The following DAB1 variants were observed in gnomAD, a reference collection of about 807,000 sequenced individuals.
DAB1 encodes disabled homolog 1.
DAB1 carries 15 observed loss-of-function variants against 64.6 expected under a neutral mutation model. The observed-to-expected ratio is 0.23, with a 90% CI of 0.16 to 0.36. The LOEUF is 0.36. Ranked by LOEUF, DAB1 falls within the 10% of genes least tolerant of loss-of-function variation. The pLI is 1.00. For synonymous variants in DAB1, 235 were observed against 251.9 expected (o/e 0.93, Z 0.64); for missense variants, 596 against 706.7 (o/e 0.84, Z 1.78).
At chr1:57,373,643 T>C (rs1680671631) in intron 1 of DAB1, among the ~76,000 whole-genome samples, 1 of 152,210 alleles carries the variant, frequency 6.6e-6, no homozygotes, top group Non-Finnish European at 1.5e-5. Context: ...ATCTGTGATC[T>C]GTTGTTCCTG....
At chr1:58,058,955 C>T (rs1648318775) in intron 5 of DAB1, among the ~76,000 whole-genome samples, 1 of 152,178 alleles carries the variant, frequency 6.6e-6, no homozygotes, top group African/African-American at 2.4e-5. Context: ...CAGGTAGGAA[C>T]ACACCTGTAC....
At chr1:58,005,457 G>C (rs564297739) in intron 5 of DAB1, among the ~76,000 whole-genome samples, 5 of 152,230 alleles carry the variant, frequency 3.3e-5, no homozygotes, top group African/African-American at 1.2e-4. Flanking sequence ...TGTGTGGCCA[G>C]AGGACACTGC....
intron 3 of DAB1, among the ~76,000 whole-genome samples, chr1:58,490,795 CTTTTT>C (rs148145860): frequency 3.4e-5 from 2 of 59,244 alleles, no homozygotes; most frequent in East Asian, 7.2e-4. Flanking sequence ...AGTCAACATT[CTTTTT>C]TTTTTTTTTT....
At chr1:57,712,075 G>A (rs541246724) in intron 6 of DAB1, among the ~76,000 whole-genome samples, 1 of 151,596 alleles carries the variant, frequency 6.6e-6, no homozygotes, top group East Asian at 1.9e-4. Flanking sequence ...AATTTTTTAC[G>A]AGATATCTCA....
chr1:58,219,938 A>G (rs1184315323), intron 4 of DAB1, among the ~76,000 whole-genome samples: 1 of 152,262 alleles, frequency 6.6e-6, no homozygotes, highest in Non-Finnish European at 1.5e-5. Context: ...GCGTACAGCC[A>G]ATACATTTTT....
chr1:58,216,408 T>C (rs1181016985), intron 4 of DAB1, among the ~76,000 whole-genome samples: 3 of 152,242 alleles, frequency 2.0e-5, no homozygotes, highest in African/African-American at 7.2e-5. Flanking sequence ...ATGTGCCACA[T>C]TTTCCTTATC....
chr1:57,018,755 C>T (rs1190510649), intron 11 of DAB1, among the ~76,000 whole-genome samples: 1 of 152,220 alleles, frequency 6.6e-6, no homozygotes, highest in Admixed American at 6.5e-5. Context: ...TATGGTACTT[C>T]ATTGTCTTAA....
At chr1:58,187,036 C>G (rs1657117503) in intron 4 of DAB1, among the ~76,000 whole-genome samples, 1 of 152,184 alleles carries the variant, frequency 6.6e-6, no homozygotes, top group Admixed American at 6.5e-5. Flanking sequence ...AGCATTAGGA[C>G]TATTACTGCA....
intron 1 of DAB1, among the ~76,000 whole-genome samples, chr1:57,359,761 A>T (rs1201373658): frequency 1.3e-5 from 2 of 152,152 alleles, no homozygotes; most frequent in Non-Finnish European, 2.9e-5. Flanking sequence ...GCCATAAAAA[A>T]GAATGAAATC....
intron 6 of DAB1, among the ~76,000 whole-genome samples, chr1:57,751,887 G>A (rs1447462731): frequency 1.3e-4 from 19 of 151,790 alleles, no homozygotes; most frequent in Admixed American, 1.2e-3. Flanking sequence ...CCTCCCTGGA[G>A]AATTGAATGC....
At chr1:57,272,617 C>A (rs1434178975) in intron 2 of DAB1, among the ~76,000 whole-genome samples, 1 of 152,178 alleles carries the variant, frequency 6.6e-6, no homozygotes, top group Non-Finnish European at 1.5e-5. Context: ...TTGGAACCTG[C>A]TCCAGGCCAC....
intron 2 of DAB1, among the ~76,000 whole-genome samples, chr1:57,152,514 A>C (rs1659790138): frequency 6.6e-6 from 1 of 152,224 alleles, no homozygotes; most frequent in Admixed American, 6.5e-5. Context: ...GCCCCCTGAA[A>C]GAAAAGCAGT....
rs530401483 is a variant in DAB1 at position 57,871,619 on chromosome 1, C to T, written n.87+12380G>A. On this transcript the variant is annotated intron_variant and non_coding_transcript_variant, in intron 1 of 1. Transcript: ENST00000477280. ...GGTTTTATGGACTCCACCTCTAACC[C>T]TTCTGGTTTATAAGCATCTAAAAGA... is the stretch of plus-strand genomic sequence containing the variant. Among the ~76,000 whole-genome samples, 9 of 152,284 alleles carry T rather than the reference C, an allele frequency of 5.9e-5. No homozygotes were observed. The South Asian group carries it at 8.3e-4, about 14-fold the overall frequency.
chr1:58,345,973 A>G (rs12023617), intron 3 of DAB1, among the ~76,000 whole-genome samples: 15,149 of 152,186 alleles, frequency 0.1, 875 homozygotes, highest in Middle Eastern at 0.16. Flanking sequence ...TGCCTGCCTC[A>G]GCTCAGAGTG....
At chr1:57,063,738 A>G (rs1363413147) in intron 8 of DAB1, among the ~76,000 whole-genome samples, 1 of 152,256 alleles carries the variant, frequency 6.6e-6, no homozygotes, top group Non-Finnish European at 1.5e-5. Context: ...GTAATGTGTT[A>G]GAAGAATTAC....
chr1:57,134,413 C>T (rs1657899966), intron 4 of DAB1, among the ~76,000 whole-genome samples: 1 of 151,838 alleles, frequency 6.6e-6, no homozygotes, highest in Non-Finnish European at 1.5e-5. Flanking sequence ...TGGTGAAACC[C>T]TGTCTCTATT....
At chr1:58,490,919 C>A (rs1474025839) in intron 3 of DAB1, among the ~76,000 whole-genome samples, 4 of 147,632 alleles carry the variant, frequency 2.7e-5, no homozygotes, top group African/African-American at 7.4e-5. Flanking sequence ...CATTCTCCTG[C>A]CTCAGCCTTC....
intron 3 of DAB1, among the ~76,000 whole-genome samples, chr1:58,375,642 CTT>C (rs907865190): frequency 4.9e-5 from 7 of 142,428 alleles, no homozygotes; most frequent in African/African-American, 1.0e-4. Context: ...CTAAAATTCT[CTT>C]TTTTTGGTTG....
At chr1:57,189,692 A>G (rs560364441) in intron 2 of DAB1, among the ~76,000 whole-genome samples, 50 of 152,222 alleles carry the variant, frequency 3.3e-4, no homozygotes, top group Non-Finnish European at 6.3e-4. Context: ...TGGACCAACC[A>G]TCTGGAGAGA....
Sources: allele counts gnomAD v4.1 joint callset (sites outside exome capture counted in the v4.1 genomes callset), GRCh38; gene constraint gnomAD v4.1.1; transcripts MANE v1.5; gene names NCBI Gene and HGNC (gene_info 2026-07-23, HGNC 2026-07-21).